Variants in RXRA observed in about 807,000 individuals in gnomAD.
RXRA encodes the protein retinoid X receptor alpha, also known as retinoic acid receptor RXR-alpha.
In RXRA, 5 loss-of-function variants were observed where a neutral mutation model predicts 44.5. The observed-to-expected ratio is 0.11, with a 90% CI of 0.06 to 0.24. The LOEUF is 0.24. RXRA is among the 10% of genes least tolerant of loss of function. The pLI, the probability that RXRA is intolerant of heterozygous loss-of-function variation, is 1.00. For missense variants in RXRA, 412 were observed against 646.5 expected, an observed-to-expected ratio of 0.64 and a Z score of 3.93; for synonymous variants, 291 against 271.4, an observed-to-expected ratio of 1.07 and a Z score of -0.71.
At chr9:134,396,201 C>G (rs915596237) in intron 1 of RXRA, among the ~76,000 whole-genome samples, 1 of 152,320 alleles carries the variant, frequency 6.6e-6, no homozygotes, top group South Asian at 2.1e-4. Flanking sequence ...GAAGCCCATT[C>G]TCACCATGGC....
intron 9 of RXRA, among the ~76,000 whole-genome samples, chr9:134,434,591 G>A (rs1205485973): frequency 6.6e-6 from 1 of 152,212 alleles, no homozygotes; most frequent in African/African-American, 2.4e-5. Flanking sequence ...ATGGCCAGAT[G>A]CCCACACATA....
chr9:134,405,940 T>C (rs1260863090), intron 2 of RXRA: 1 of 152,300 alleles, frequency 6.6e-6, no homozygotes, highest in Non-Finnish European at 1.5e-5. Context: ...GGGGCCCCTG[T>C]GCCTGGGACA....
chr9:134,355,229 G>A (rs1372584245), intron 1 of RXRA, among the ~76,000 whole-genome samples: 1 of 152,208 alleles, frequency 6.6e-6, no homozygotes, highest in African/African-American at 2.4e-5. Context: ...TGCTGTGGGT[G>A]CCAGGTGTAT....
chr9:134,408,375 A>C, intron 3 of RXRA, 76 bp downstream of exon 3: 3 of 1,445,944 alleles, frequency 2.1e-6, no homozygotes, highest in Non-Finnish European at 2.8e-6. Context: ...GCCTCCCCAA[A>C]TCACCCTCCT....
intron 5 of RXRA, among the ~76,000 whole-genome samples, chr9:134,419,616 G>A (rs1167875875): frequency 1.3e-5 from 2 of 152,336 alleles, no homozygotes; most frequent in African/African-American, 4.8e-5. Flanking sequence ...TCCCCAGCGC[G>A]GGGCAGGGCC....
chr9:134,434,344 C>G lies in RXRA; in HGVS notation c.1241+137C>G, dbSNP rs1027038441. 2.5e-5 allele frequency: 16 copies of G among 637,306 alleles called. No individual in the cohort carries two copies. In the African/African-American group the frequency reaches 2.9e-4, roughly 12 times the overall value. 39.5% of individuals were successfully genotyped at this position (637,306 alleles called of 1,614,324 possible). A position where few individuals can be genotyped will look rare whatever the true frequency, so the allele number is the denominator to read the frequency against. On this transcript the variant is annotated intron_variant, in intron 9 of 9. Coordinates refer to ENST00000481739, the MANE Select transcript of RXRA (RefSeq NM_002957.6). Reference sequence around the variant, plus strand: ...CCAGCCCATGCCAGCAGGTCCTGAGCAGGCAGCAGGAGGTCCTCCAGGCCA... The same window carrying G: ...CCAGCCCATGCCAGCAGGTCCTGAGGAGGCAGCAGGAGGTCCTCCAGGCCA...
chr9:134,353,909 A>G (rs1414633424), intron 1 of RXRA, among the ~76,000 whole-genome samples: 1 of 152,166 alleles, frequency 6.6e-6, no homozygotes, highest in African/African-American at 2.4e-5. Context: ...CATTTGGGGA[A>G]CGTGTCCCCA....
At chr9:134,370,729 C>T (rs1366125477) in intron 1 of RXRA, among the ~76,000 whole-genome samples, 1 of 151,998 alleles carries the variant, frequency 6.6e-6, no homozygotes, top group Non-Finnish European at 1.5e-5. Context: ...CAGCAGCGTC[C>T]ACCCCATGCA....
intron 6 of RXRA, chr9:134,424,713 G>A: frequency 1.0e-6 from 1 of 985,470 alleles, no homozygotes; most frequent in Non-Finnish European, 1.2e-6. Context: ...GCACTGGCCA[G>A]GTGGCTGGAG....
At chr9:134,419,962 G>A (rs983469558) in intron 5 of RXRA, among the ~76,000 whole-genome samples, 4 of 152,170 alleles carry the variant, frequency 2.6e-5, no homozygotes, top group South Asian at 2.1e-4. Context: ...ATGGTGACCC[G>A]TGTGCCCACT....
At chr9:134,414,516 G>A (rs1164029584) in intron 4 of RXRA, among the ~76,000 whole-genome samples, 1 of 152,264 alleles carries the variant, frequency 6.6e-6, no homozygotes, top group Non-Finnish European at 1.5e-5. Context: ...AGAGGTCAGG[G>A]GACTTGGCCG....
At chr9:134,387,408 C>T (rs535539307) in intron 1 of RXRA, among the ~76,000 whole-genome samples, 24 of 152,354 alleles carry the variant, frequency 1.6e-4, no homozygotes, top group African/African-American at 4.8e-4. Flanking sequence ...CGGGGAGCCT[C>T]GGGGAGGGAC....
At chr9:134,361,555 G>T (rs1293373829) in intron 1 of RXRA, among the ~76,000 whole-genome samples, 4 of 152,224 alleles carry the variant, frequency 2.6e-5, no homozygotes, top group Non-Finnish European at 5.9e-5. Flanking sequence ...CGTCTCCTGA[G>T]ACTAAATGCC....
intron 4 of RXRA, among the ~76,000 whole-genome samples, chr9:134,409,640 G>A (rs887880386): frequency 3.3e-5 from 5 of 152,222 alleles, no homozygotes; most frequent in Admixed American, 2.6e-4. Context: ...GCCAGACCTG[G>A]GTCGGAGTCC....
chr9:134,338,019 G>C (rs1830032274), intron 1 of RXRA, among the ~76,000 whole-genome samples: 1 of 152,332 alleles, frequency 6.6e-6, no homozygotes, highest in African/African-American at 2.4e-5. Flanking sequence ...CGACAGGCAG[G>C]TCCTTGCCCT....
chr9:134,385,355 G>T (rs1470728644), intron 1 of RXRA, among the ~76,000 whole-genome samples: 3 of 152,336 alleles, frequency 2.0e-5, no homozygotes, highest in South Asian at 2.1e-4. Flanking sequence ...AGCCATGAAG[G>T]CCCCTTCCCC....
In RXRA at chr9:134,341,196, C is replaced by G. The variant is rs980425828; in HGVS notation, c.28+14537C>G. 1.3e-5 allele frequency among the ~76,000 whole-genome samples: 2 copies of G among 152,222 alleles called. 1 individual carries two copies. The highest frequency in any genetic ancestry group is 1.3e-4 in the Admixed American group (2 of 15,286). On this transcript the variant is annotated intron_variant, in intron 1 of 9. Transcript: ENST00000481739. ...TGCCCAGCACAGCATGGCACGCTCCCTCGTTCCCTGCACCCCAGTGCTGAT... is the reference window on the plus strand; with the variant it reads ...TGCCCAGCACAGCATGGCACGCTCCGTCGTTCCCTGCACCCCAGTGCTGAT...
intron 4 of RXRA, among the ~76,000 whole-genome samples, chr9:134,412,294 C>T (rs1174203052): frequency 6.6e-6 from 1 of 152,230 alleles, no homozygotes; most frequent in Non-Finnish European, 1.5e-5. Context: ...CAGCTCCGCC[C>T]ACTGGCCTTG....
chr9:134,331,524 G>A (rs1455378454), intron 1 of RXRA, among the ~76,000 whole-genome samples: 1 of 152,208 alleles, frequency 6.6e-6, no homozygotes, highest in East Asian at 1.9e-4. Context: ...GGCCTCATGG[G>A]GTCCCCCAAG....
Sources: gnomAD v4.1 joint callset for allele counts (sites outside exome capture counted in the v4.1 genomes callset) on GRCh38, gnomAD v4.1.1 for gene constraint, MANE v1.5 for transcripts, NCBI Gene and HGNC (gene_info 2026-07-23, HGNC 2026-07-21) for gene names.